Variants in MYORG observed in about 807,000 individuals in gnomAD.
MYORG encodes the protein myogenesis regulating glycosidase, also known as alpha-galactosidase MYORG.
In MYORG, 45 loss-of-function variants were observed where a neutral mutation model predicts 49.8. The observed-to-expected ratio is 0.90, with a 90% confidence interval of 0.71 to 1.16. The LOEUF is 1.16. Among genes scored for constraint, MYORG ranks in the 50% most tolerant of loss-of-function variants. MYORG has a pLI of 0.00. For synonymous variants in MYORG, 552 were observed against 462.9 expected (o/e 1.19, Z -2.47); for missense variants, 1,110 against 1,026.5 (o/e 1.08, Z -1.11).
At position 34,372,256 on chromosome 9, in the gene MYORG, G is replaced by C; in HGVS notation, c.688C>G (p.Leu230Val). The change falls in exon 2 of 2, where the codon CTA becomes GTA. Residue 230 changes from leucine to valine, a missense_variant. Transcript: ENST00000297625. ...TTGATGGCGGCCGCGCGCGAAGATA[G>C]CCAGTAGCGCTCGAGGATGCCCCCA... ...AFGGILERYW[L>V]SSRAAAIKVN... is the part of the protein sequence containing the mutation. The C allele has an allele frequency of 2.5e-6, 4 of 1,610,890 alleles. No individual in the cohort carries two copies. Among genetic ancestry groups the C allele is most frequent in the Non-Finnish European group, 3.4e-6 (4 of 1,179,070 alleles).
Position 34,371,510 on chromosome 9 carries a change from C to G in MYORG, c.1434G>C (p.Arg478=). ...SYLPRDFSTY[R]PLPDPSVWSR... ...TCCAGACGCTGGGGTCCGGCAGCGG[C>G]CGGTAGGTGCTGAAGTCCCGCGGCA... The change falls in exon 2 of 2, where the codon CGG becomes CGC. Residue 478 remains arginine (R), a synonymous_variant. Transcript: ENST00000297625. The G allele has an allele frequency of 6.2e-7, 1 of 1,609,688 alleles. No individual in the cohort carries two copies. Among genetic ancestry groups the G allele is most frequent in the Non-Finnish European group, 8.5e-7 (1 of 1,179,580 alleles).
In MYORG at chr9:34,372,525, C is replaced by G. The variant is rs1179347871; in HGVS notation, c.419G>C (p.Gly140Ala). Residue 140 changes from glycine to alanine, a missense_variant, in exon 2 of 2, where the codon GGG (glycine) becomes GCG (alanine). Transcript: ENST00000297625. Reference sequence around the variant, plus strand: ...CTGGATGAAGAAGTGCAGCGGCAGCCCGTCGGCCGTGAGCGAGCAGCCCAG... The same window carrying G: ...CTGGATGAAGAAGTGCAGCGGCAGCGCGTCGGCCGTGAGCGAGCAGCCCAG... Reference protein sequence around the residue: ...ALLGCSLTADGLPLHFFIQTV... With the variant: ...ALLGCSLTADALPLHFFIQTV... The G allele has an allele frequency of 6.2e-7, 1 of 1,600,908 alleles. No individual in the cohort carries two copies. Among genetic ancestry groups the G allele is most frequent in the East Asian group, 2.3e-5 (1 of 44,328 alleles).
intron 1 of MYORG, among the ~76,000 whole-genome samples, chr9:34,375,464 C>T (rs1820704033): frequency 6.6e-6 from 1 of 152,234 alleles, no homozygotes; most frequent in Non-Finnish European, 1.5e-5. Flanking sequence ...GAAAACACCT[C>T]CTGGAAAATG....
In MYORG at chr9:34,371,540, G is replaced by T; in HGVS notation, c.1404C>A (p.Ser468Arg). ...ASFKFDAGEV[S>R]YLPRDFSTYR... Reference sequence around the variant, plus strand: ...AGGTGCTGAAGTCCCGCGGCAGGTAGCTGACCTCGCCCGCGTCGAACTTGA... The same window carrying T: ...AGGTGCTGAAGTCCCGCGGCAGGTATCTGACCTCGCCCGCGTCGAACTTGA... The change falls in exon 2 of 2, where the codon AGC (serine) becomes AGA (arginine). Residue 468 changes from serine to arginine, a missense_variant. By Grantham distance (110) the Ser-to-Arg change is moderately radical. Transcript: ENST00000297625. The T allele has an allele frequency of 6.2e-7, 1 of 1,606,378 alleles. No homozygotes were observed.
Position 34,372,603 on chromosome 9 carries a change from G to GCCAGGCGGAAGA in MYORG, c.329_340dup (p.Val110_Leu113dup), listed in dbSNP as rs763478820. 1.7e-5 allele frequency: 27 copies of GCCAGGCGGAAGA among 1,604,302 alleles called. No homozygotes were observed. The highest frequency in any genetic ancestry group is 2.7e-5 in the African/African-American group (2 of 74,808). On this transcript the variant is annotated inframe_insertion, in exon 2 of 2. Coordinates refer to ENST00000297625, the MANE Select transcript of MYORG (RefSeq NM_020702.5). ...AAGGTCCAGCGCGCCGGAGCGGAAGGCCAGGCGGAAGACCTGCTCTCCCTT... is the reference window on the plus strand; with the variant it reads ...AAGGTCCAGCGCGCCGGAGCGGAAGGCCAGGCGGAAGACCAGGCGGAAGACCTGCTCTCCCTT...
Position 34,367,121 on chromosome 9 carries a change from C to T in MYORG, c.*3678G>A, listed in dbSNP as rs1215141591. On this transcript the variant is annotated 3_prime_UTR_variant, in exon 2 of 2. Transcript: ENST00000297625. ...CAGACAAGAGAGAATGAGAGCCAAG[C>T]AAAAGGGGAAACCCCTTATTAAACC... 5 of 152,150 alleles carry T rather than the reference C, an allele frequency of 3.3e-5. No individual in the cohort carries two copies. Among genetic ancestry groups the T allele is most frequent in the Non-Finnish European group, 5.9e-5 (4 of 68,082 alleles). 9.4% of individuals were successfully genotyped at this position (152,150 alleles called of 1,614,324 possible). A position where few individuals can be genotyped will look rare whatever the true frequency, so the allele number is the denominator to read the frequency against.
In MYORG at chr9:34,371,098, C is replaced by A. The variant is rs548319080; in HGVS notation, c.1846G>T (p.Ala616Ser). Residue 616 changes from alanine to serine, a missense_variant, in exon 2 of 2, where the codon GCA becomes TCA. Physicochemically the swap from Ala to Ser is moderately conservative, Grantham distance 99. Coordinates refer to ENST00000297625, the MANE Select transcript of MYORG (RefSeq NM_020702.5). ...CCCGCCAGCTCAAGCAACAGCGGTG[C>A]CACAAGCGAGGCCCGCAGGGCGGCG... ...KFAALRASLV[A>S]PLLLELAGEV... The A allele has an allele frequency of 6.2e-7, 1 of 1,609,158 alleles. No homozygotes were observed.
chr9:34,372,149 C>A lies in MYORG; in HGVS notation c.795G>T (p.Thr265=). ...SLRLQARYHD[T]PYKPPAGRAA... ...CGCGGCCGGCGGGTGGCTTGTAGGG[C>A]GTGTCGTGGTAGCGCGCCTGAAGCC... is the stretch of plus-strand genomic sequence containing the variant. The change falls in exon 2 of 2, where the codon ACG becomes ACT. Residue 265 remains threonine, a synonymous_variant. Coordinates refer to ENST00000297625, the MANE Select transcript of MYORG (RefSeq NM_020702.5). 2.5e-6 allele frequency: 4 copies of A among 1,611,458 alleles called. No homozygotes were observed. Among genetic ancestry groups the A allele is most frequent in the Non-Finnish European group, 3.4e-6 (4 of 1,179,536 alleles).
In MYORG at chr9:34,370,765, T is replaced by G; in HGVS notation, c.*34A>C. On this transcript the variant is annotated 3_prime_UTR_variant, in exon 2 of 2. Transcript: ENST00000297625. ...GAGGGTTCAAGGTCTGCATGAAGAC[T>G]GGGGGCTTTGCGGTTACCGGGCCCT... The G allele has an allele frequency of 6.5e-7, 1 of 1,534,144 alleles. No individual in the cohort carries two copies. Among genetic ancestry groups the G allele is most frequent in the Non-Finnish European group, 8.8e-7 (1 of 1,135,712 alleles).
rs767437127 is a variant in MYORG, at chr9:34,371,846, A to T, written c.1098T>A (p.Asp366Glu). 6.2e-7 allele frequency: 1 copy of T among 1,614,056 alleles called. No homozygotes were observed. The highest frequency in any genetic ancestry group is 1.1e-5 in the South Asian group (1 of 91,092). ...YTPAYGDFDF[D>E]EVKFPNASDM... Reference sequence around the variant, plus strand: ...CGCTGGCGTTGGGGAATTTGACCTCATCGAAGTCGAAGTCGCCATAAGCAG... The same window carrying T: ...CGCTGGCGTTGGGGAATTTGACCTCTTCGAAGTCGAAGTCGCCATAAGCAG... The change falls in exon 2 of 2, where the codon GAT becomes GAA. Residue 366 changes from aspartate (D) to glutamate (E), a missense_variant. Physicochemically the swap from Asp to Glu is conservative, Grantham distance 45. Transcript: ENST00000297625.
chr9:34,370,882 C>T lies in MYORG; in HGVS notation c.2062G>A (p.Glu688Lys). ...AGCACCGGCGTCTTGTCGAAAAGCT[C>T]ACCCTTGTAGCTGCGCCACTTGCCG... Reference protein sequence around the residue: ...PAGKWRSYKGELFDKTPVLLT... With the variant: ...PAGKWRSYKGKLFDKTPVLLT... The change falls in exon 2 of 2, where the codon GAG becomes AAG. Residue 688 changes from glutamate (E) to lysine (K), a missense_variant. By Grantham distance (56) the Glu-to-Lys change is moderately conservative (BLOSUM62 1). Coordinates refer to ENST00000297625, the MANE Select transcript of MYORG (RefSeq NM_020702.5). 1 of 1,611,534 alleles carries T rather than the reference C, an allele frequency of 6.2e-7. No homozygotes were observed. Among genetic ancestry groups the T allele is most frequent in the East Asian group, 2.2e-5 (1 of 44,772 alleles).
rs2131876263 is a variant in MYORG, at chr9:34,369,878, AC to A, written c.*920del. The A allele has an allele frequency of 6.6e-6, 1 of 152,248 alleles. No homozygotes were observed. Among genetic ancestry groups the A allele is most frequent in the African/African-American group, 2.4e-5 (1 of 41,530 alleles). 9.4% of individuals were successfully genotyped at this position (152,248 alleles called of 1,614,324 possible). The stretch of plus-strand genomic sequence containing the variant: ...TATTTCCTACGAGAGTCCTGGGGAA[AC>A]CGCCTGGGAGGAGGCTGGCTCAGCA... On this transcript the variant is annotated 3_prime_UTR_variant, in exon 2 of 2. Transcript: ENST00000297625.
In MYORG at chr9:34,372,025, C is replaced by T. The variant is rs762624115; in HGVS notation, c.919G>A (p.Val307Met). Residue 307 changes from valine to methionine, a missense_variant, in exon 2 of 2, where the codon GTG becomes ATG. Physicochemically the swap from Val to Met is conservative, Grantham distance 21. Coordinates refer to ENST00000297625, the MANE Select transcript of MYORG (RefSeq NM_020702.5). ...TCTCGGAAGGCCTCGGGTGCTGGCACCCTTGACGGCTTGTTGAAGTAGCGA... is the reference window on the plus strand; with the variant it reads ...TCTCGGAAGGCCTCGGGTGCTGGCATCCTTGACGGCTTGTTGAAGTAGCGA... The part of the protein sequence containing the change: ...VRRYFNKPSR[V>M]PAPEAFRDPI... 1.2e-6 allele frequency: 2 copies of T among 1,613,866 alleles called. No individual in the cohort carries two copies. Among genetic ancestry groups the T allele is most frequent in the African/African-American group, 1.3e-5 (1 of 74,946 alleles).
At position 34,370,823 on chromosome 9, in the gene MYORG, G is replaced by T; in HGVS notation, c.2121C>A (p.Ile707=). 6.3e-7 allele frequency: 1 copy of T among 1,587,114 alleles called. No homozygotes were observed. The highest frequency in any genetic ancestry group is 8.6e-7 in the Non-Finnish European group (1 of 1,160,640). ...LTDYPVDLDE[I]AYFTWAS is the part of the protein sequence containing the mutation. ...GTCAGGACGCCCAGGTAAAGTAGGC[G>T]ATCTCATCCAGGTCGACCGGGTAAT... The change falls in exon 2 of 2, where the codon ATC becomes ATA. Residue 707 remains isoleucine, a synonymous_variant. Coordinates refer to ENST00000297625, the MANE Select transcript of MYORG (RefSeq NM_020702.5).
In MYORG at chr9:34,372,650, G is replaced by A. The variant is rs761766271; in HGVS notation, c.294C>T (p.Gly98=). 4 of 1,607,000 alleles carry A rather than the reference G, an allele frequency of 2.5e-6. No individual in the cohort carries two copies. Among genetic ancestry groups the A allele is most frequent in the South Asian group, 2.2e-5 (2 of 90,100 alleles). The change falls in exon 2 of 2, where the codon GGC becomes GGT. Residue 98 remains glycine (G), a synonymous_variant. Coordinates refer to ENST00000297625, the MANE Select transcript of MYORG (RefSeq NM_020702.5). ...CCTTCTGATTGCGGATGGAGAAGCC[G>A]CCAGCTTTCAGGTCCAGCAGCTCCG... ...LRAELLDLKA[G]GFSIRNQKGE... is the part of the protein sequence containing the mutation.
In MYORG at chr9:34,371,132, C is replaced by T. The variant is rs1432196471; in HGVS notation, c.1812G>A (p.Ala604=). The part of the protein sequence containing the change: ...WRYDAEVVAI[A]QKFAALRASL... ...AGGCCCGCAGGGCGGCGAACTTCTG[C>T]GCGATGGCCACCACTTCCGCGTCGT... The change falls in exon 2 of 2, where the codon GCG becomes GCA. Residue 604 remains alanine (A), a synonymous_variant. Transcript: ENST00000297625. 1 of 1,607,572 alleles carries T rather than the reference C, an allele frequency of 6.2e-7. No homozygotes were observed. The highest frequency in any genetic ancestry group is 2.2e-5 in the East Asian group (1 of 44,672).
chr9:34,371,076 G>A lies in MYORG; in HGVS notation c.1868C>T (p.Ala623Val). ...SLVAPLLLELAGEVTDTGDPI... is the reference protein window; with the variant it reads ...SLVAPLLLELVGEVTDTGDPI... The stretch of plus-strand genomic sequence containing the variant: ...GTCACCCGTGTCGGTGACCTCGCCC[G>A]CCAGCTCAAGCAACAGCGGTGCCAC... Residue 623 changes from alanine (A) to valine (V), a missense_variant, in exon 2 of 2, where the codon GCG (alanine) becomes GTG (valine). Transcript: ENST00000297625. 1.9e-6 allele frequency: 3 copies of A among 1,610,734 alleles called. No individual in the cohort carries two copies. Among genetic ancestry groups the A allele is most frequent in the Non-Finnish European group, 1.7e-6 (2 of 1,178,214 alleles).
rs753988501 is a variant in MYORG, at chr9:34,371,545, C to G, written c.1399G>C (p.Val467Leu). The G allele has an allele frequency of 1.2e-6, 2 of 1,605,656 alleles. No individual in the cohort carries two copies. The highest frequency in any genetic ancestry group is 2.2e-5 in the South Asian group (2 of 90,912). The change falls in exon 2 of 2, where the codon GTC becomes CTC. Residue 467 changes from valine to leucine, a missense_variant. By Grantham distance (32) the Val-to-Leu change is conservative. Coordinates refer to ENST00000297625, the MANE Select transcript of MYORG (RefSeq NM_020702.5). Reference sequence around the variant, plus strand: ...CTGAAGTCCCGCGGCAGGTAGCTGACCTCGCCCGCGTCGAACTTGAAGGAA... The same window carrying G: ...CTGAAGTCCCGCGGCAGGTAGCTGAGCTCGCCCGCGTCGAACTTGAAGGAA... ...VASFKFDAGE[V>L]SYLPRDFSTY...
In MYORG at chr9:34,373,672, C is replaced by T. The variant is rs527423752; in HGVS notation, c.-63-666G>A. 5.9e-5 allele frequency among the ~76,000 whole-genome samples: 9 copies of T among 152,276 alleles called. No individual in the cohort carries two copies. The South Asian group carries it at 1.7e-3, about 28-fold the overall frequency. ...TTCACCATGTTGGTCAGGCTGGCTT[C>T]GAACTCATGACCTCAAGTGATCCAC... On this transcript the variant is annotated intron_variant, in intron 1 of 1. Coordinates refer to ENST00000297625, the MANE Select transcript of MYORG (RefSeq NM_020702.5).
Sources: gnomAD v4.1 joint callset for allele counts (sites outside exome capture counted in the v4.1 genomes callset) on GRCh38, gnomAD v4.1.1 for gene constraint, MANE v1.5 for transcripts, NCBI Gene and HGNC (gene_info 2026-07-23, HGNC 2026-07-21) for gene names.